CDC23: variants seen among roughly 807,000 people sequenced by gnomAD.
The protein encoded by CDC23 is cell division cycle 23.
In CDC23, 26 loss-of-function variants were observed where a neutral mutation model predicts 81.7. The observed-to-expected ratio is 0.32, with a 90% CI of 0.23 to 0.44. The LOEUF is 0.44. Ranked by LOEUF, CDC23 falls within the 20% of genes least tolerant of loss-of-function variation. CDC23 has a pLI of 1.00. For synonymous variants in CDC23, 267 were observed against 270.8 expected (o/e 0.99, Z 0.14); for missense variants, 519 against 728.0 (o/e 0.71, Z 3.30).
chr5:138,208,100 T>C lies in CDC23; in HGVS notation c.235-1416A>G, dbSNP rs371511157. Among the ~76,000 whole-genome samples the C allele has an allele frequency of 6.6e-5, 10 of 152,132 alleles. No individual in the cohort carries two copies. In the East Asian group the frequency reaches 1.9e-3, roughly 29 times the overall value. ...CCTCGGCCTCCCTAGCAGCTGGGAT[T>C]ACAGGTGCCCGCCACCATGCCTGGC... On this transcript the variant is annotated intron_variant, in intron 2 of 15. Transcript: ENST00000394886.
At chr5:138,191,982 C>T (rs372011437) in intron 11 of CDC23, 45 bp from the exon 12 acceptor site, 85 of 1,536,796 alleles carry the variant, frequency 5.5e-5, no homozygotes, top group Non-Finnish European at 7.2e-5. Context: ...TTTACAGAAA[C>T]TGAAGTTCTC....
intron 2 of CDC23, among the ~76,000 whole-genome samples, chr5:138,210,255 G>A (rs1386777076): frequency 6.6e-6 from 1 of 151,310 alleles, no homozygotes. Context: ...GCCAGGCACG[G>A]TGGCTCACAC....
intron 2 of CDC23, among the ~76,000 whole-genome samples, chr5:138,212,047 C>T (rs773185844): frequency 6.6e-6 from 1 of 152,222 alleles, no homozygotes; most frequent in Non-Finnish European, 1.5e-5. Context: ...CATTTGCCCA[C>T]ATTGGTGCTG....
chr5:138,191,800 G>A (rs1221501684), intron 12 of CDC23, 62 bp downstream of exon 12: 2 of 1,318,102 alleles, frequency 1.5e-6, no homozygotes, highest in African/African-American at 2.9e-5. Context: ...AGCACAGATA[G>A]CCCAACCTTC....
intron 9 of CDC23, among the ~76,000 whole-genome samples, chr5:138,197,276 C>T (rs1754924004): frequency 7.1e-6 from 1 of 140,728 alleles, no homozygotes; most frequent in Non-Finnish European, 1.5e-5. Context: ...TGCACTCCAG[C>T]CTGGACGACA....
chr5:138,195,613 T>A (rs1450568191), intron 9 of CDC23, among the ~76,000 whole-genome samples: 2 of 113,654 alleles, frequency 1.8e-5, no homozygotes, highest in African/African-American at 3.3e-5. Flanking sequence ...TATGATATAT[T>A]TATATATAAA....
At chr5:138,212,097 G>A (rs1755119179) in intron 2 of CDC23, among the ~76,000 whole-genome samples, 1 of 152,166 alleles carries the variant, frequency 6.6e-6, no homozygotes, top group African/African-American at 2.4e-5. Flanking sequence ...GCAAGCACCA[G>A]GCACACTTCT....
chr5:138,207,063 A>T (rs1224293952), intron 2 of CDC23, among the ~76,000 whole-genome samples: 1 of 151,846 alleles, frequency 6.6e-6, no homozygotes, highest in Non-Finnish European at 1.5e-5. Flanking sequence ...TATTTTTAGT[A>T]GTGATGGGGT....
chr5:138,196,572 G>A (rs1158791253), intron 9 of CDC23, among the ~76,000 whole-genome samples: 1 of 138,414 alleles, frequency 7.2e-6, no homozygotes, highest in Non-Finnish European at 1.5e-5. Flanking sequence ...CAGGCGCTGT[G>A]AGCCCCCGTG....
chr5:138,193,890 A>G (rs6875526), intron 9 of CDC23, among the ~76,000 whole-genome samples: 147,837 of 151,718 alleles, frequency 0.97, 72,158 homozygotes, highest in Middle Eastern at 1. Context: ...CCCAGGAGGC[A>G]GAGGTTGCGG....
rs577853551 is a variant in CDC23 at position 138,187,743 on chromosome 5, C to T, written c.*1235G>A. The stretch of plus-strand genomic sequence containing the variant: ...GAAAAATTAAGAATCAAACATCATT[C>T]TGGACCATGGGAACCTTGAAAAGGC... On this transcript the variant is annotated 3_prime_UTR_variant, in exon 16 of 16. Transcript: ENST00000394886. 1 of 235,792 alleles carries T rather than the reference C, an allele frequency of 4.2e-6. No homozygotes were observed. Among genetic ancestry groups the T allele is most frequent in the South Asian group, 5.7e-5 (1 of 17,554 alleles). The allele number at this position is 235,792 out of a possible 1,614,324, so 14.6% of individuals were successfully genotyped here.
chr5:138,195,652 A>G (rs1200137859), intron 9 of CDC23, among the ~76,000 whole-genome samples: 1 of 115,628 alleles, frequency 8.6e-6, no homozygotes, highest in Non-Finnish European at 1.7e-5. Flanking sequence ...TATAATATAT[A>G]TTATATACAT....
chr5:138,201,046 T>G, intron 6 of CDC23, 61 bp downstream of exon 6: 1 of 1,584,936 alleles, frequency 6.3e-7, no homozygotes, highest in South Asian at 1.2e-5. Context: ...ACCCCTATAT[T>G]ACTACAGAAT....
intron 6 of CDC23, 83 bp from the exon 7 acceptor site, chr5:138,198,865 T>G (rs1004577945): frequency 5.0e-6 from 7 of 1,393,214 alleles, no homozygotes; most frequent in Non-Finnish European, 6.8e-6. Context: ...CTTTATTATC[T>G]AAAGGAATTT....
At chr5:138,189,943 C>A in intron 13 of CDC23, 37 bp from the exon 14 acceptor site, 5 of 1,575,220 alleles carry the variant, frequency 3.2e-6, no homozygotes, top group Non-Finnish European at 4.4e-6. Flanking sequence ...CCAATGATAT[C>A]CCAAAGCAAC....
At chr5:138,189,234 A>C in intron 15 of CDC23, 86 bp from the exon 16 acceptor site, 1 of 1,318,692 alleles carries the variant, frequency 7.6e-7, no homozygotes, top group Non-Finnish European at 1.1e-6. Context: ...AACAAGTTCC[A>C]CAGATCAAGG....
intron 9 of CDC23, among the ~76,000 whole-genome samples, chr5:138,194,547 G>A (rs953209952): frequency 6.6e-5 from 10 of 152,114 alleles, no homozygotes; most frequent in African/African-American, 2.4e-4. Context: ...GATGGGAATG[G>A]GACTGACTGC....
chr5:138,203,364 T>C (rs1195098731), intron 3 of CDC23, among the ~76,000 whole-genome samples: 1 of 152,044 alleles, frequency 6.6e-6, no homozygotes, highest in Non-Finnish European at 1.5e-5. Context: ...GAAGGAGGTA[T>C]ATGGGAACTC....
intron 9 of CDC23, among the ~76,000 whole-genome samples, 170 bp downstream of exon 9, chr5:138,198,029 G>A (rs572495447): frequency 6.6e-6 from 1 of 152,270 alleles, no homozygotes; most frequent in South Asian, 2.1e-4. Context: ...CATGATCACA[G>A]CTGACTGCTG....
Sources: gnomAD v4.1 joint callset for allele counts (sites outside exome capture counted in the v4.1 genomes callset) on GRCh38, gnomAD v4.1.1 for gene constraint, MANE v1.5 for transcripts, NCBI Gene and HGNC (gene_info 2026-07-23, HGNC 2026-07-21) for gene names.